Variants in TRPM3 observed in about 807,000 individuals in gnomAD.
The protein encoded by TRPM3 is long transient receptor potential channel 3.
A neutral mutation model predicts 181.2 loss-of-function variants in TRPM3; 77 were observed. That is an observed-to-expected ratio of 0.42 (90% CI 0.35 to 0.51). TRPM3 has a LOEUF of 0.51. Among genes scored for constraint, TRPM3 ranks in the 20% least tolerant of loss-of-function variants. The pLI, the probability that TRPM3 is intolerant of heterozygous loss-of-function variation, is 0.01. For synonymous variants in TRPM3, 745 were observed against 796.4 expected, an observed-to-expected ratio of 0.94 and a Z score of 1.09; for missense variants, 1,759 against 2,196.7, an observed-to-expected ratio of 0.80 and a Z score of 3.98.
At chr9:70,587,974 C>T (rs1008642180) in intron 22 of TRPM3, among the ~76,000 whole-genome samples, 3 of 152,188 alleles carry the variant, frequency 2.0e-5, no homozygotes, top group African/African-American at 7.2e-5. Context: ...TTATCTTCTG[C>T]TTCCAATCAC....
At chr9:71,031,975 T>C (rs1227453406) in intron 1 of TRPM3, among the ~76,000 whole-genome samples, 5 of 7,940 alleles carry the variant, frequency 6.3e-4, no homozygotes, top group Non-Finnish European at 8.2e-4. Flanking sequence ...ATATATATTA[T>C]ATATATATAT....
intron 1 of TRPM3, among the ~76,000 whole-genome samples, chr9:71,368,894 A>G (rs1167482254): frequency 2.0e-5 from 3 of 152,208 alleles, no homozygotes; most frequent in Admixed American, 6.5e-5. Context: ...TAGAAAGGAA[A>G]TGTGTGACGA....
intron 1 of TRPM3, among the ~76,000 whole-genome samples, chr9:71,040,851 C>G (rs1376824179): frequency 6.6e-6 from 1 of 152,040 alleles, no homozygotes; most frequent in Non-Finnish European, 1.5e-5. Flanking sequence ...ATCAGACAAA[C>G]TCAAATATTG....
chr9:70,798,390 C>T (rs2087837539), intron 6 of TRPM3, among the ~76,000 whole-genome samples: 1 of 152,148 alleles, frequency 6.6e-6, no homozygotes. Context: ...CCCTCAGAGA[C>T]CCCTAAGTCA....
At chr9:71,216,398 C>T (rs1312799299) in intron 1 of TRPM3, among the ~76,000 whole-genome samples, 2 of 152,186 alleles carry the variant, frequency 1.3e-5, no homozygotes, top group Non-Finnish European at 2.9e-5. Context: ...TTGTAAGTCA[C>T]TTTCACATTG....
chr9:71,224,344 G>A (rs1192552459), intron 1 of TRPM3, among the ~76,000 whole-genome samples: 1 of 152,196 alleles, frequency 6.6e-6, no homozygotes, highest in Non-Finnish European at 1.5e-5. Flanking sequence ...TGGGTTTGGG[G>A]TGCCCCCTAA....
chr9:70,640,162 C>T (rs1296713992), intron 10 of TRPM3, among the ~76,000 whole-genome samples: 1 of 152,196 alleles, frequency 6.6e-6, no homozygotes, highest in Non-Finnish European at 1.5e-5. Context: ...CCTGCTAATT[C>T]TGCATCCTGA....
chr9:71,373,572 A>C (rs2092587204), intron 1 of TRPM3, among the ~76,000 whole-genome samples: 1 of 152,176 alleles, frequency 6.6e-6, no homozygotes, highest in South Asian at 2.1e-4. Flanking sequence ...CCCATGACTG[A>C]ACCAGGAAGA....
At chr9:71,317,708 A>C (rs913772083) in intron 1 of TRPM3, among the ~76,000 whole-genome samples, 26 of 151,866 alleles carry the variant, frequency 1.7e-4, no homozygotes, top group African/African-American at 2.9e-4. Context: ...CACACGCGCG[A>C]GAGAGAAGGT....
chr9:71,401,424 A>G (rs988221256), intron 1 of TRPM3, among the ~76,000 whole-genome samples: 1 of 152,140 alleles, frequency 6.6e-6, no homozygotes, highest in Non-Finnish European at 1.5e-5. Context: ...CAGATGAAGA[A>G]CATGGTTTTG....
At chr9:70,776,175 T>C (rs957432986) in intron 7 of TRPM3, 1 of 313,386 alleles carries the variant, frequency 3.2e-6, no homozygotes, top group East Asian at 5.4e-5. Flanking sequence ...ACCCGCACCT[T>C]GTCTGTATTA....
At position 71,430,585 on chromosome 9, in the gene TRPM3, G is replaced by A. The variant is rs372132508; in HGVS notation, c.183+16068C>T. On this transcript the variant is annotated intron_variant, in intron 1 of 24. Transcript: ENST00000357533. ...TCCCAGCACTTTGGGAGGCTGAGGCGGGTGGATCACAAGGTCAAGAGTTCG... is the reference window on the plus strand; with the variant it reads ...TCCCAGCACTTTGGGAGGCTGAGGCAGGTGGATCACAAGGTCAAGAGTTCG... Among the ~76,000 whole-genome samples the A allele has an allele frequency of 2.6e-3, 403 of 152,166 alleles. 3 individuals are homozygous for A. The highest frequency in any genetic ancestry group is 0.014 in the Middle Eastern group (4 of 294).
chr9:70,624,416 C>T (rs1019601919), intron 14 of TRPM3, among the ~76,000 whole-genome samples: 2 of 152,110 alleles, frequency 1.3e-5, no homozygotes, highest in African/African-American at 4.8e-5. Flanking sequence ...CTGCCTCAGC[C>T]CCCTTAGTAG....
chr9:70,553,843 A>T (rs2047031676), intron 22 of TRPM3, among the ~76,000 whole-genome samples: 1 of 152,182 alleles, frequency 6.6e-6, no homozygotes, highest in African/African-American at 2.4e-5. Context: ...CTGTCTCAGT[A>T]CAGAAGGAAC....
intron 1 of TRPM3, among the ~76,000 whole-genome samples, chr9:71,232,308 T>C (rs11142743): frequency 0.24 from 36,856 of 151,948 alleles, 4,842 homozygotes; most frequent in East Asian, 0.36. Context: ...AAGGCCACAC[T>C]ATTAATTAGT....
At chr9:70,772,329 T>TA (rs1435543086) in intron 7 of TRPM3, among the ~76,000 whole-genome samples, 1 of 151,726 alleles carries the variant, frequency 6.6e-6, no homozygotes, top group African/African-American at 2.4e-5. Context: ...AGTATTTTTT[T>TA]TTTTTTGAAG....
chr9:70,660,196 G>A (rs4745023), intron 9 of TRPM3, among the ~76,000 whole-genome samples: 58,399 of 151,922 alleles, frequency 0.38, 11,720 homozygotes, highest in African/African-American at 0.49. Context: ...AGGAAAATCA[G>A]TCTTGGGGCC....
intron 1 of TRPM3, among the ~76,000 whole-genome samples, chr9:71,362,491 TGTACA>T (rs2092191266): frequency 6.6e-6 from 1 of 152,240 alleles, no homozygotes; most frequent in Non-Finnish European, 1.5e-5. Flanking sequence ...TGAAGGATAC[TGTACA>T]GTAAATAGTA....
intron 8 of TRPM3, among the ~76,000 whole-genome samples, chr9:70,751,578 G>A (rs2076139099): frequency 6.6e-6 from 1 of 152,152 alleles, no homozygotes; most frequent in African/African-American, 2.4e-5. Flanking sequence ...TGAAAGTAAT[G>A]AGAAACGTAA....
Sources: allele counts gnomAD v4.1 joint callset (sites outside exome capture counted in the v4.1 genomes callset), GRCh38; gene constraint gnomAD v4.1.1; transcripts MANE v1.5; gene names NCBI Gene and HGNC (gene_info 2026-07-23, HGNC 2026-07-21).